Variants in ZNF841 observed in about 807,000 individuals in gnomAD.
ZNF841 encodes the protein zinc finger protein 841.
In ZNF841, 11 loss-of-function variants were observed where a neutral mutation model predicts 13.0. That is an observed-to-expected ratio of 0.85 (90% confidence interval 0.53 to 1.40). The LOEUF (loss-of-function observed/expected upper bound fraction) is 1.40. Ranked by LOEUF, ZNF841 falls within the 40% of genes most tolerant of loss-of-function variation. The probability of loss-of-function intolerance (pLI) is 0.00; values close to 1 mark genes in which losing one functional copy is unlikely to be tolerated. For synonymous variants in ZNF841, 369 were observed against 381.6 expected, an observed-to-expected ratio of 0.97 and a Z score of 0.38; for missense variants, 1,068 against 1,139.5, an observed-to-expected ratio of 0.94 and a Z score of 0.90.
rs2088646199 is a variant in ZNF841, at chr19:52,095,679, C to A, written c.-374G>T. On this transcript the variant is annotated 5_prime_UTR_variant, in exon 1 of 7. Coordinates refer to ENST00000594440, the MANE Select transcript of ZNF841 (RefSeq NM_001136499.2). Reference sequence around the variant, plus strand: ...GAAGTGCACGTTTAATCAAGGTAGACGAAGAGAAGCAAACGTTTAATCCAG... The same window carrying A: ...GAAGTGCACGTTTAATCAAGGTAGAAGAAGAGAAGCAAACGTTTAATCCAG... 2 of 152,254 alleles carry A rather than the reference C, an allele frequency of 1.3e-5. No homozygotes were observed. The highest frequency in any genetic ancestry group is 6.5e-5 in the Admixed American group (1 of 15,274). The allele number at this position is 152,254 out of a possible 1,614,324, so 9.4% of individuals were successfully genotyped here.
At chr19:52,078,848 G>A (rs1887007305) in intron 4 of ZNF841, among the ~76,000 whole-genome samples, 1 of 152,062 alleles carries the variant, frequency 6.6e-6, no homozygotes, top group African/African-American at 2.4e-5. Context: ...AATTTCAACT[G>A]TGAAAAGATA....
At chr19:52,073,649 A>G (rs1028981988) in intron 6 of ZNF841, among the ~76,000 whole-genome samples, 1 of 152,178 alleles carries the variant, frequency 6.6e-6, no homozygotes, top group Non-Finnish European at 1.5e-5. Context: ...TCATTGCTTG[A>G]GCATCACGAA....
chr19:52,084,531 C>G (rs779588428), intron 4 of ZNF841, among the ~76,000 whole-genome samples: 3 of 152,210 alleles, frequency 2.0e-5, no homozygotes, highest in Non-Finnish European at 4.4e-5. Context: ...AGAACTCACA[C>G]CCTGTCTCCA....
intron 4 of ZNF841, among the ~76,000 whole-genome samples, chr19:52,081,125 T>G (rs989935265): frequency 1.3e-5 from 2 of 152,214 alleles, no homozygotes; most frequent in Admixed American, 6.5e-5. Flanking sequence ...CTATGGATAC[T>G]GAAGTCCCTT....
At chr19:52,074,751 A>G (rs2087844831) in intron 6 of ZNF841, among the ~76,000 whole-genome samples, 1 of 152,096 alleles carries the variant, frequency 6.6e-6, no homozygotes, top group Non-Finnish European at 1.5e-5. Context: ...TCCTAACCTC[A>G]GGTGATCCAC....
chr19:52,066,193 A>G lies in ZNF841; in HGVS notation c.1689T>C (p.His563=). 6.2e-7 allele frequency: 1 copy of G among 1,613,952 alleles called. No homozygotes were observed. Reference sequence around the variant, plus strand: ...TACAATGGAGAGGTTTCTCTCCAGTATGACATCTCATATGAACCGAAAGGT... The same window carrying G: ...TACAATGGAGAGGTTTCTCTCCAGTGTGACATCTCATATGAACCGAAAGGT... ...GGYLSVHMRC[H]TGEKPLHCNK... is the part of the protein sequence containing the mutation. Residue 563 remains histidine (H), a synonymous_variant, in exon 7 of 7, where the codon CAT becomes CAC. Coordinates refer to ENST00000594440, the MANE Select transcript of ZNF841 (RefSeq NM_001136499.2).
At chr19:52,073,451 A>T (rs949701374) in intron 6 of ZNF841, among the ~76,000 whole-genome samples, 2 of 152,104 alleles carry the variant, frequency 1.3e-5, no homozygotes, top group Non-Finnish European at 2.9e-5. Context: ...TGCATGTGCC[A>T]CCACACCCGG....
chr19:52,093,711 A>C (rs910844109), intron 2 of ZNF841, 135 bp downstream of exon 2: 3 of 152,230 alleles, frequency 2.0e-5, no homozygotes, highest in Non-Finnish European at 2.9e-5. Flanking sequence ...GTTAGCAACT[A>C]TAGGAAAGAA....
At chr19:52,072,316 T>C (rs1484538679) in intron 6 of ZNF841, among the ~76,000 whole-genome samples, 1 of 152,148 alleles carries the variant, frequency 6.6e-6, no homozygotes, top group Admixed American at 6.6e-5. Context: ...ACCTAAACTA[T>C]ATATCAAGTT....
intron 6 of ZNF841, 35 bp downstream of exon 6, chr19:52,076,009 G>A: frequency 6.5e-7 from 1 of 1,549,358 alleles, no homozygotes; most frequent in Non-Finnish European, 8.7e-7. Flanking sequence ...ACAATTTCAT[G>A]GTACCGCTTC....
In ZNF841 at chr19:52,065,728, A is replaced by G; in HGVS notation, c.2154T>C (p.Phe718=). Residue 718 remains phenylalanine, a synonymous_variant, in exon 7 of 7, where the codon TTT becomes TTC. Transcript: ENST00000594440. The part of the protein sequence containing the change: ...PHKCSECGRT[F]SHKTSLVYHQ... ...GGTACACCAGACTTGTTTTATGACT[A>G]AAAGTTCTACCACATTCACTACATT... 6.2e-7 allele frequency: 1 copy of G among 1,606,184 alleles called. No individual in the cohort carries two copies. The highest frequency in any genetic ancestry group is 8.5e-7 in the Non-Finnish European group (1 of 1,175,774).
chr19:52,063,359 A>AT (rs1012189834), downstream of ZNF841, among the ~76,000 whole-genome samples: 9 of 151,140 alleles, frequency 6.0e-5, no homozygotes, highest in African/African-American at 2.2e-4. Flanking sequence ...TGATTTTTTT[A>AT]TTTTTTTGAG....
chr19:52,067,022 T>C lies in ZNF841; in HGVS notation c.860A>G (p.Lys287Arg). The change falls in exon 7 of 7, where the codon AAA (lysine) becomes AGA (arginine). Residue 287 changes from lysine to arginine, a missense_variant. By Grantham distance (26) the Lys-to-Arg change is conservative. Transcript: ENST00000594440. ...ACCAGACTCATTGCATCTGTAAGGT[T>C]TCTCTGTAGTATGTATCATCTGATG... Reference protein sequence around the residue: ...INHQMIHTTEKPYRCNESGKA... With the variant: ...INHQMIHTTERPYRCNESGKA... The C allele has an allele frequency of 6.2e-7, 1 of 1,614,004 alleles. No homozygotes were observed. The highest frequency in any genetic ancestry group is 8.5e-7 in the Non-Finnish European group (1 of 1,179,948).
downstream of ZNF841, among the ~76,000 whole-genome samples, chr19:52,064,207 G>A (rs527942890): frequency 1.3e-4 from 19 of 151,762 alleles, no homozygotes; most frequent in Admixed American, 3.3e-4. Flanking sequence ...TTAGCCGGGC[G>A]CGGTGGCGAG....
intron 5 of ZNF841, chr19:52,076,380 A>C (rs570693897): frequency 1.8e-6 from 1 of 563,272 alleles, no homozygotes; most frequent in African/African-American, 1.9e-5. Flanking sequence ...ACACAGGGAT[A>C]GGCCAAGCAT....
At chr19:52,082,365 A>T (rs755356118) in intron 4 of ZNF841, among the ~76,000 whole-genome samples, 17 of 152,242 alleles carry the variant, frequency 1.1e-4, no homozygotes, top group Non-Finnish European at 1.5e-5. Context: ...TGAACCTATT[A>T]TGACATTTAT....
Position 52,067,348 on chromosome 19 carries a change from CTTGT to C in ZNF841, c.530_533del (p.Asn177SerfsTer9). Reference sequence around the variant, plus strand: ...TTAATATAAGCTGATTTTCCATATGCTTGTTTTCTACGTCCCCTTGACTATGTCG... The same window carrying C: ...TTAATATAAGCTGATTTTCCATATGCTTTCTACGTCCCCTTGACTATGTCG... On this transcript the variant is annotated frameshift_variant, in exon 7 of 7. Transcript: ENST00000594440. LOFTEE classifies it low-confidence loss of function (END_TRUNC). 16 of 1,550,630 alleles carry C rather than the reference CTTGT, an allele frequency of 1.0e-5. No individual in the cohort carries two copies. Among genetic ancestry groups the C allele is most frequent in the Non-Finnish European group, 1.4e-5 (16 of 1,146,648 alleles).
At chr19:52,078,707 A>G (rs1053525153) in intron 4 of ZNF841, among the ~76,000 whole-genome samples, 1 of 152,028 alleles carries the variant, frequency 6.6e-6, no homozygotes, top group Non-Finnish European at 1.5e-5. Context: ...TCGGAAAAAA[A>G]AAAAAAAAAA....
rs1486720790 is a variant in ZNF841, at chr19:52,070,784, T to C, written c.272-3174A>G. On this transcript the variant is annotated intron_variant, in intron 6 of 6. Coordinates refer to ENST00000594440, the MANE Select transcript of ZNF841 (RefSeq NM_001136499.2). ...CCCCTGCACATATTGATTTACGCAG[T>C]GTTATCAGACAGTGGTCAAGTGAAT... Among the ~76,000 whole-genome samples, 6 of 152,156 alleles carry C rather than the reference T, an allele frequency of 3.9e-5. No homozygotes were observed. The East Asian group carries it at 9.6e-4, about 24-fold the overall frequency.
Sources: gnomAD v4.1 joint callset for allele counts (sites outside exome capture counted in the v4.1 genomes callset) on GRCh38, gnomAD v4.1.1 for gene constraint, MANE v1.5 for transcripts, NCBI Gene and HGNC (gene_info 2026-07-23, HGNC 2026-07-21) for gene names.